The following PHACTR3 variants were observed in gnomAD, a reference collection of about 807,000 sequenced individuals.
PHACTR3 encodes protein phosphatase 1, regulatory subunit 123.
A neutral mutation model predicts 66.8 loss-of-function variants in PHACTR3; 16 were observed. The ratio of observed to expected loss-of-function variants is 0.24; its 90% confidence interval spans 0.16 to 0.36. PHACTR3 has a LOEUF of 0.36. Ranked by LOEUF, PHACTR3 falls within the 10% of genes least tolerant of loss-of-function variation. The pLI is 1.00. For synonymous variants in PHACTR3, 323 were observed against 292.1 expected (o/e 1.11, Z -1.08); for missense variants, 647 against 719.9 (o/e 0.90, Z 1.16).
At chr20:59,629,434 G>A (rs1286184438) in intron 1 of PHACTR3, among the ~76,000 whole-genome samples, 1 of 152,340 alleles carries the variant, frequency 6.6e-6, no homozygotes, top group East Asian at 1.9e-4. Context: ...GCAGACTGGG[G>A]GATTCCACAG....
chr20:59,716,619 G>C (rs559171048), intron 1 of PHACTR3, among the ~76,000 whole-genome samples: 2 of 152,226 alleles, frequency 1.3e-5, no homozygotes, highest in East Asian at 3.9e-4. Flanking sequence ...TGGTCCCTGG[G>C]CTAAAGGAGA....
chr20:59,724,812 AC>A (rs2038499607), intron 1 of PHACTR3, among the ~76,000 whole-genome samples: 1 of 152,240 alleles, frequency 6.6e-6, no homozygotes, highest in African/African-American at 2.4e-5. Flanking sequence ...ATGATGTGCA[AC>A]ATTCACTAAT....
chr20:59,660,883 A>T (rs186922033), intron 1 of PHACTR3, among the ~76,000 whole-genome samples: 5 of 152,386 alleles, frequency 3.3e-5, no homozygotes, highest in Admixed American at 1.3e-4. Flanking sequence ...AAGTAGAAAG[A>T]AGGGAAATCA....
intron 8 of PHACTR3, among the ~76,000 whole-genome samples, chr20:59,827,656 G>A (rs917105937): frequency 6.6e-5 from 10 of 152,142 alleles, no homozygotes; most frequent in Non-Finnish European, 1.3e-4. Flanking sequence ...CCAACTCCAC[G>A]TACCTGGAGT....
chr20:59,782,307 C>T lies in PHACTR3; in HGVS notation c.1174+7817C>T, dbSNP rs371261081. Among the ~76,000 whole-genome samples the T allele has an allele frequency of 7.2e-5, 11 of 152,024 alleles. No homozygotes were observed. In the East Asian group the frequency reaches 1.9e-3, roughly 27 times the overall value. On this transcript the variant is annotated intron_variant, in intron 7 of 12. Transcript: ENST00000371015. Reference sequence around the variant, plus strand: ...TGCTCTGTTGCCCAGGCTGGAGTATCGTGGCACGATCTTGGCTCACTGCAA... The same window carrying T: ...TGCTCTGTTGCCCAGGCTGGAGTATTGTGGCACGATCTTGGCTCACTGCAA...
chr20:59,676,975 T>C (rs1478497452), intron 1 of PHACTR3, among the ~76,000 whole-genome samples: 1 of 151,970 alleles, frequency 6.6e-6, no homozygotes, highest in Non-Finnish European at 1.5e-5. Flanking sequence ...AGATGGGTCA[T>C]TTTTATGTAT....
At position 59,774,319 on chromosome 20, in the gene PHACTR3, C is replaced by A; in HGVS notation, c.1003C>A (p.Arg335=). ...VRLSRTSSVE[R]GKEREEAWSF... ...TCTGTCGAGAACGTCCAGCGTGGAG[C>A]GGGGCAAGGAGAGGGAGGAGGCTTG... The change falls in exon 7 of 13, where the codon CGG becomes AGG. Residue 335 remains arginine (R), a synonymous_variant. Transcript: ENST00000371015. 2 of 1,613,964 alleles carry A rather than the reference C, an allele frequency of 1.2e-6. No individual in the cohort carries two copies. The highest frequency in any genetic ancestry group is 1.7e-4 in the Middle Eastern group (1 of 6,058).
At chr20:59,725,700 C>T (rs1029163720) in intron 1 of PHACTR3, among the ~76,000 whole-genome samples, 2 of 152,166 alleles carry the variant, frequency 1.3e-5, no homozygotes, top group Non-Finnish European at 2.9e-5. Flanking sequence ...CACAGCTGTG[C>T]AGGGGCAGTT....
At position 59,736,453 on chromosome 20, in the gene PHACTR3, G is replaced by C. The variant is rs373858835; in HGVS notation, c.119-6654G>C. 6.6e-6 allele frequency among the ~76,000 whole-genome samples: 1 copy of C among 151,998 alleles called. No individual in the cohort carries two copies. The highest frequency in any genetic ancestry group is 2.1e-4 in the South Asian group (1 of 4,812). ...AGGTGTGCATGGGCCACATGCACCC[G>C]CCCACAGATGGCATCCCACCCATGC... On this transcript the variant is annotated intron_variant, in intron 1 of 12. Coordinates refer to ENST00000371015, the MANE Select transcript of PHACTR3 (RefSeq NM_080672.5). The surrounding 1 kb of genome is among the most constrained non-coding windows in gnomAD (Gnocchi z 4.6).
chr20:59,640,945 G>A (rs1310099128), intron 1 of PHACTR3, among the ~76,000 whole-genome samples: 2 of 151,988 alleles, frequency 1.3e-5, no homozygotes, highest in Non-Finnish European at 2.9e-5. Flanking sequence ...TATTGTTACA[G>A]GTTTCTTTTA....
At chr20:59,579,039 C>T (rs1191995417) in intron 1 of PHACTR3, among the ~76,000 whole-genome samples, 1 of 152,200 alleles carries the variant, frequency 6.6e-6, no homozygotes, top group African/African-American at 2.4e-5. Flanking sequence ...AGTAAGTGCC[C>T]ACAAGTGTCA....
upstream of PHACTR3, among the ~76,000 whole-genome samples, chr20:59,601,913 T>C (rs1274316945): frequency 1.3e-5 from 2 of 152,194 alleles, no homozygotes; most frequent in Admixed American, 6.5e-5. Context: ...CCAAGTCTTA[T>C]CCTTTTATAT....
intron 8 of PHACTR3, among the ~76,000 whole-genome samples, chr20:59,807,500 C>CT (rs1050180966): frequency 3.0e-4 from 45 of 152,170 alleles, no homozygotes; most frequent in Admixed American, 8.5e-4. Context: ...TTACAGTTAA[C>CT]TTTTTTTTAA....
intron 7 of PHACTR3, among the ~76,000 whole-genome samples, chr20:59,792,745 A>C (rs996433069): frequency 1.4e-4 from 21 of 152,280 alleles, no homozygotes; most frequent in Non-Finnish European, 2.8e-4. Flanking sequence ...CCCATTTTTC[A>C]AAATTAGGTC....
At chr20:59,663,135 T>A (rs1382557993) in intron 1 of PHACTR3, among the ~76,000 whole-genome samples, 1 of 152,206 alleles carries the variant, frequency 6.6e-6, no homozygotes, top group African/African-American at 2.4e-5. Context: ...GCCTTTACTG[T>A]GCATGTCTCT....
chr20:59,682,930 A>G (rs111656148), intron 1 of PHACTR3, among the ~76,000 whole-genome samples: 5,906 of 151,770 alleles, frequency 0.039, 383 homozygotes, highest in African/African-American at 0.13. Context: ...GTCGGGGGGG[A>G]CATTGGAGGG....
At chr20:59,810,698 C>T (rs1214941840) in intron 8 of PHACTR3, among the ~76,000 whole-genome samples, 1 of 152,190 alleles carries the variant, frequency 6.6e-6, no homozygotes, top group African/African-American at 2.4e-5. Context: ...GTCACTGCTC[C>T]CCACGGCTAC....
chr20:59,756,117 G>C (rs936036767), intron 4 of PHACTR3, among the ~76,000 whole-genome samples: 1 of 152,164 alleles, frequency 6.6e-6, no homozygotes, highest in Non-Finnish European at 1.5e-5. Flanking sequence ...AAGGATAGGG[G>C]AGAAGGGAGG....
chr20:59,585,855 C>A (rs900950630), intron 1 of PHACTR3, among the ~76,000 whole-genome samples: 15 of 152,230 alleles, frequency 9.9e-5, no homozygotes, highest in African/African-American at 3.6e-4. Flanking sequence ...CAAAAAGAAT[C>A]TCCTAATTTA....
Sources: gnomAD v4.1 joint callset for allele counts (sites outside exome capture counted in the v4.1 genomes callset) on GRCh38, gnomAD v4.1.1 for gene constraint, Gnocchi (gnomAD v3.1) non-coding constraint, MANE v1.5 for transcripts, NCBI Gene and HGNC (gene_info 2026-07-23, HGNC 2026-07-21) for gene names.